The following COL23A1 variants were observed in gnomAD, a reference collection of about 807,000 sequenced individuals.
The protein encoded by COL23A1 is collagen alpha-1(XXIII) chain.
In COL23A1, 97 loss-of-function variants were observed where a neutral mutation model predicts 99.3. The observed-to-expected ratio is 0.98, with a 90% CI of 0.83 to 1.16. The LOEUF is 1.16. Among genes scored for constraint, COL23A1 ranks in the 50% most tolerant of loss-of-function variants. COL23A1 has a pLI of 0.00. For synonymous variants in COL23A1, 320 were observed against 308.2 expected, an observed-to-expected ratio of 1.04 and a Z score of -0.40; for missense variants, 762 against 757.4, an observed-to-expected ratio of 1.01 and a Z score of -0.07.
chr5:178,373,758 C>T (rs1762924078), intron 2 of COL23A1, among the ~76,000 whole-genome samples: 2 of 152,174 alleles, frequency 1.3e-5, no homozygotes, highest in Middle Eastern at 3.2e-3. Flanking sequence ...TGGACAAAAC[C>T]CAGTTGCTGG....
chr5:178,385,684 C>T (rs770314246), intron 2 of COL23A1, among the ~76,000 whole-genome samples: 2 of 152,176 alleles, frequency 1.3e-5, no homozygotes, highest in African/African-American at 4.8e-5. Flanking sequence ...TGCCACACGT[C>T]GTGGCTTGAT....
intron 2 of COL23A1, among the ~76,000 whole-genome samples, chr5:178,479,603 T>C (rs1025837392): frequency 6.6e-6 from 1 of 152,134 alleles, no homozygotes; most frequent in Admixed American, 6.5e-5. Flanking sequence ...CAGGATGAGA[T>C]GATACATGTT....
chr5:178,357,976 ATATATG>A lies in COL23A1; in HGVS notation c.362-51063_362-51058del, dbSNP rs1761814347. Among the ~76,000 whole-genome samples, 2 of 88,836 alleles carry A rather than the reference ATATATG, an allele frequency of 2.3e-5. 1 individual carries two copies. The highest frequency in any genetic ancestry group is 7.8e-5 in the African/African-American group (2 of 25,562). The allele number at this position is 88,836 out of a possible 152,430, so 58.3% of individuals were successfully genotyped here. A position where few individuals can be genotyped will look rare whatever the true frequency, so the allele number is the denominator to read the frequency against. On this transcript the variant is annotated intron_variant, in intron 2 of 28. Transcript: ENST00000390654. ...TGTATATGTGTGTATGTGTATGTGT[ATATATG>A]TGTGTATGCGTGTGTGTATATGTAT...
rs1357049778 is a variant in COL23A1, at chr5:178,428,988, C to G, written c.362-122069G>C. Among the ~76,000 whole-genome samples the G allele has an allele frequency of 6.6e-6, 1 of 152,166 alleles. No individual in the cohort carries two copies. Among genetic ancestry groups the G allele is most frequent in the African/African-American group, 2.4e-5 (1 of 41,440 alleles). ...CTACCACACCCCAGTGCTGCCCAGG[C>G]CCAGCACCCGGGGTGCGGGTGTACC... On this transcript the variant is annotated intron_variant, in intron 2 of 28. Coordinates refer to ENST00000390654, the MANE Select transcript of COL23A1 (RefSeq NM_173465.4). This position sits in a 1 kb window ranked among gnomAD's most constrained non-coding sequence, Gnocchi z 5.0.
chr5:178,391,572 G>A (rs1763964951), intron 2 of COL23A1, among the ~76,000 whole-genome samples: 1 of 152,144 alleles, frequency 6.6e-6, no homozygotes, highest in Non-Finnish European at 1.5e-5. Context: ...AAAAGAGTCA[G>A]ACAGTCAAAA....
chr5:178,484,337 T>G (rs1247160431), intron 2 of COL23A1, among the ~76,000 whole-genome samples: 1 of 152,250 alleles, frequency 6.6e-6, no homozygotes, highest in Non-Finnish European at 1.5e-5. Flanking sequence ...AACAGCATTT[T>G]GTTGAAAGAA....
chr5:178,543,115 T>G (rs1161576129), intron 2 of COL23A1, among the ~76,000 whole-genome samples: 4 of 152,014 alleles, frequency 2.6e-5, no homozygotes, highest in African/African-American at 9.7e-5. Flanking sequence ...GGCTTGTTTT[T>G]TTTTTTTTTG....
In COL23A1 at chr5:178,590,265, G is replaced by A; in HGVS notation, c.-68C>T. On this transcript the variant is annotated 5_prime_UTR_variant, in exon 1 of 29. Transcript: ENST00000390654. The surrounding 1 kb of genome is among the most constrained non-coding windows in gnomAD (Gnocchi z 5.7). ...CTGGGGCAGAGGCTGGGTGCGAGAG[G>A]AGCAGGCGGGACAGCCCGAGGCACG... 2 of 1,172,320 alleles carry A rather than the reference G, an allele frequency of 1.7e-6. No individual in the cohort carries two copies. The highest frequency in any genetic ancestry group is 4.3e-5 in the Admixed American group (1 of 23,300). 72.6% of individuals were successfully genotyped at this position (1,172,320 alleles called of 1,614,324 possible).
At chr5:178,305,228 GC>G (rs1718220494) in intron 3 of COL23A1, among the ~76,000 whole-genome samples, 1 of 152,192 alleles carries the variant, frequency 6.6e-6, no homozygotes, top group Non-Finnish European at 1.5e-5. Flanking sequence ...AGAAGTCAAG[GC>G]AGAGAGAGAA....
At chr5:178,549,138 C>A (rs560621731) in intron 2 of COL23A1, among the ~76,000 whole-genome samples, 48 of 152,134 alleles carry the variant, frequency 3.2e-4, no homozygotes, top group East Asian at 1.9e-3. Flanking sequence ...GGATAACAGG[C>A]GCATGCCACC....
intron 3 of COL23A1, among the ~76,000 whole-genome samples, chr5:178,300,641 C>A (rs1757982380): frequency 6.6e-6 from 1 of 152,040 alleles, no homozygotes; most frequent in African/African-American, 2.4e-5. Context: ...TCTCTGCCTC[C>A]CAGGTCCGAG....
chr5:178,544,222 C>G lies in COL23A1; in HGVS notation c.361+16460G>C, dbSNP rs966672227. Among the ~76,000 whole-genome samples, 1 of 152,156 alleles carries G rather than the reference C, an allele frequency of 6.6e-6. No homozygotes were observed. The highest frequency in any genetic ancestry group is 2.1e-4 in the South Asian group (1 of 4,828). ...CCCTCCCATGCAACCCTTCCTTCCCCTTCCCACCCCACCACCTCCCACTGA... is the reference window on the plus strand; with the variant it reads ...CCCTCCCATGCAACCCTTCCTTCCCGTTCCCACCCCACCACCTCCCACTGA... On this transcript the variant is annotated intron_variant, in intron 2 of 28. Transcript: ENST00000390654. The surrounding 1 kb of genome is among the most constrained non-coding windows in gnomAD (Gnocchi z 4.4).
At chr5:178,436,830 C>A (rs1766589142) in intron 2 of COL23A1, among the ~76,000 whole-genome samples, 1 of 143,834 alleles carries the variant, frequency 7.0e-6, no homozygotes, top group African/African-American at 3.0e-5. Flanking sequence ...AGAAGTGTTA[C>A]CCCCATTTTG....
intron 2 of COL23A1, among the ~76,000 whole-genome samples, chr5:178,437,783 A>G (rs1175334438): frequency 1.3e-5 from 2 of 152,112 alleles, no homozygotes; most frequent in East Asian, 3.9e-4. Context: ...CCCAATGTTC[A>G]TCAGCCAAGA....
intron 1 of COL23A1, among the ~76,000 whole-genome samples, chr5:178,571,430 G>T (rs1763089414): frequency 6.6e-6 from 1 of 152,110 alleles, no homozygotes; most frequent in Non-Finnish European, 1.5e-5. Flanking sequence ...GCCCTGCCTT[G>T]CTAGTAGGGA....
At position 178,429,965 on chromosome 5, in the gene COL23A1, G is replaced by A. The variant is rs934679523; in HGVS notation, c.362-123046C>T. On this transcript the variant is annotated intron_variant, in intron 2 of 28. Coordinates refer to ENST00000390654, the MANE Select transcript of COL23A1 (RefSeq NM_173465.4). ...ACCGTGCCTTTCCCTGTGCAGGGTCGCCCTTTCATGTTCCTTGTCCAGGCA... is the reference window on the plus strand; with the variant it reads ...ACCGTGCCTTTCCCTGTGCAGGGTCACCCTTTCATGTTCCTTGTCCAGGCA... Among the ~76,000 whole-genome samples the A allele has an allele frequency of 5.9e-5, 9 of 152,148 alleles. No individual in the cohort carries two copies. The South Asian group carries it at 1.5e-3, about 25-fold the overall frequency.
chr5:178,349,892 G>A lies in COL23A1; in HGVS notation c.362-42973C>T, dbSNP rs1052994052. 9.0e-4 allele frequency among the ~76,000 whole-genome samples: 137 copies of A among 152,230 alleles called. 1 individual carries two copies. The highest frequency in any genetic ancestry group is 3.2e-3 in the African/African-American group (133 of 41,534). ...GAGGGGGACCTCTGGTACCTCCCTG[G>A]GGTACTCTCTCCCTCCCAGGCCTGG... On this transcript the variant is annotated intron_variant, in intron 2 of 28. Coordinates refer to ENST00000390654, the MANE Select transcript of COL23A1 (RefSeq NM_173465.4).
chr5:178,503,224 T>C (rs1243916284), intron 2 of COL23A1, among the ~76,000 whole-genome samples: 2 of 152,000 alleles, frequency 1.3e-5, no homozygotes, highest in East Asian at 3.9e-4. Flanking sequence ...CTGCTAAAAA[T>C]ACAAGAATTA....
chr5:178,260,902 A>G (rs778375915), intron 11 of COL23A1, among the ~76,000 whole-genome samples: 3 of 152,082 alleles, frequency 2.0e-5, no homozygotes, highest in African/African-American at 4.8e-5. Flanking sequence ...ATGACACCAC[A>G]GTGGTGGATA....
Sources: gnomAD v4.1 joint callset for allele counts (sites outside exome capture counted in the v4.1 genomes callset) on GRCh38, gnomAD v4.1.1 for gene constraint, Gnocchi (gnomAD v3.1) non-coding constraint, MANE v1.5 for transcripts, NCBI Gene and HGNC (gene_info 2026-07-23, HGNC 2026-07-21) for gene names.